Variants in RPS18 observed in about 807,000 individuals in gnomAD.
RPS18 encodes the protein ribosomal protein S18, also known as small ribosomal subunit protein uS13.
For synonymous variants in RPS18, 64 were observed against 70.9 expected (o/e 0.90, Z 0.49); for missense variants, 49 against 200.8 (o/e 0.24, Z 4.57).
Position 33,276,214 on chromosome 6 carries a change from C to T in RPS18, c.330C>T (p.Asp110=), listed in dbSNP as rs781189046. Residue 110 remains aspartate (D), a synonymous_variant, in exon 5 of 6, where the codon GAC becomes GAT. Coordinates refer to ENST00000439602, the MANE Select transcript of RPS18 (RefSeq NM_022551.3). ...GTCTGGACAACAAGCTCCGTGAAGA[C>T]CTGGAGCGACTGAAGAAGATTCGGG... ...ANGLDNKLRE[D]LERLKKIRAH... 1 of 1,614,158 alleles carries T rather than the reference C, an allele frequency of 6.2e-7. No homozygotes were observed. The highest frequency in any genetic ancestry group is 8.5e-7 in the Non-Finnish European group (1 of 1,180,028).
chr6:33,273,079 C>G (rs892636115), intron 2 of RPS18, among the ~76,000 whole-genome samples: 5 of 152,154 alleles, frequency 3.3e-5, no homozygotes, highest in African/African-American at 9.7e-5. Flanking sequence ...TAACAGCAAC[C>G]CTTCCTGCGA....
chr6:33,275,707 A>G (rs1420137161), intron 2 of RPS18, 90 bp from the exon 3 acceptor site: 13 of 874,982 alleles, frequency 1.5e-5, no homozygotes, highest in Non-Finnish European at 2.3e-5. Flanking sequence ...ATTATTGCAG[A>G]TCCTACCTTT....
chr6:33,274,020 C>T (rs185252869), intron 2 of RPS18, among the ~76,000 whole-genome samples: 4 of 152,312 alleles, frequency 2.6e-5, no homozygotes, highest in African/African-American at 9.6e-5. Context: ...TGCAATGGTG[C>T]AATCTTATCT....
chr6:33,272,820 C>A, intron 2 of RPS18, 94 bp downstream of exon 2: 1 of 764,380 alleles, frequency 1.3e-6, no homozygotes, highest in South Asian at 1.4e-5. Context: ...AGACTTGAGT[C>A]TCATCCAGAT....
At chr6:33,274,857 A>C (rs528155149) in intron 2 of RPS18, among the ~76,000 whole-genome samples, 6 of 152,346 alleles carry the variant, frequency 3.9e-5, no homozygotes, top group East Asian at 3.9e-4. Flanking sequence ...GGCAGGGCTC[A>C]GTATTCAGTT....
At chr6:33,274,465 T>C (rs1450391139) in intron 2 of RPS18, among the ~76,000 whole-genome samples, 1 of 152,224 alleles carries the variant, frequency 6.6e-6, no homozygotes, top group African/African-American at 2.4e-5. Context: ...CATATAGGCA[T>C]GAGCCACGGT....
chr6:33,272,440 C>T, intron 1 of RPS18, 188 bp from the exon 2 acceptor site: 1 of 629,180 alleles, frequency 1.6e-6, no homozygotes, highest in South Asian at 1.8e-5. Context: ...AGCTTGAACG[C>T]TTCATGTGCC....
At chr6:33,272,230 T>C (rs1765244519) in intron 1 of RPS18, 108 bp downstream of exon 1, 1 of 1,257,694 alleles carries the variant, frequency 8.0e-7, no homozygotes, top group Non-Finnish European at 1.1e-6. Flanking sequence ...CGACTTTCTG[T>C]ATGGAGCCTT....
At chr6:33,275,434 G>C in intron 2 of RPS18, 2 of 258,564 alleles carry the variant, frequency 7.7e-6, no homozygotes, top group Middle Eastern at 2.9e-3. Context: ...TTCTGCTGCA[G>C]CCTCCCAAGT....
rs759485029 is a variant in RPS18, at chr6:33,275,838, A to G, written c.144A>G (p.Ala48=). 6 of 1,613,426 alleles carry G rather than the reference A, an allele frequency of 3.7e-6. No individual in the cohort carries two copies. The Admixed American group carries it at 5.0e-5, about 13-fold the overall frequency. The change falls in exon 3 of 6, where the codon GCA becomes GCG. Residue 48 remains alanine (A), a synonymous_variant. Coordinates refer to ENST00000439602, the MANE Select transcript of RPS18 (RefSeq NM_022551.3). Reference sequence around the variant, plus strand: ...ATGCTCATGTGGTGTTGAGGAAAGCAGACATTGACCTCACCAAGAGGGCGG... The same window carrying G: ...ATGCTCATGTGGTGTTGAGGAAAGCGGACATTGACCTCACCAAGAGGGCGG... The part of the protein sequence containing the change: ...RRYAHVVLRK[A]DIDLTKRAGE...
intron 2 of RPS18, among the ~76,000 whole-genome samples, chr6:33,274,028 T>C (rs901382702): frequency 1.3e-5 from 2 of 152,316 alleles, no homozygotes; most frequent in South Asian, 2.1e-4. Flanking sequence ...TGCAATCTTA[T>C]CTCACTGCAA....
At chr6:33,274,297 G>A (rs1765487631) in intron 2 of RPS18, among the ~76,000 whole-genome samples, 1 of 152,214 alleles carries the variant, frequency 6.6e-6, no homozygotes, top group Non-Finnish European at 1.5e-5. Flanking sequence ...CAGGGCTCAA[G>A]TCAATCCTCC....
In RPS18 at chr6:33,276,274, G is replaced by A. The variant is rs376983339; in HGVS notation, c.383+7G>A. On this transcript the variant is annotated splice_region_variant and intron_variant, in intron 5 of 5. Transcript: ENST00000439602. Reference sequence around the variant, plus strand: ...GGCTGCGTCACTTCTGGGGGTGAGTGGGGGGTCTCATCTCCCTGCCTACCT... The same window carrying A: ...GGCTGCGTCACTTCTGGGGGTGAGTAGGGGGTCTCATCTCCCTGCCTACCT... The A allele has an allele frequency of 6.2e-7, 1 of 1,608,528 alleles. No homozygotes were observed.
At chr6:33,272,507 C>A in intron 1 of RPS18, 121 bp from the exon 2 acceptor site, 1 of 733,754 alleles carries the variant, frequency 1.4e-6, no homozygotes, top group Admixed American at 1.8e-5. Context: ...GAATGGGGGG[C>A]GGGTGTCTTG....
chr6:33,272,136 C>T lies in RPS18; in HGVS notation c.3+14C>T, dbSNP rs1438352897. 2 of 1,563,140 alleles carry T rather than the reference C, an allele frequency of 1.3e-6. No individual in the cohort carries two copies. Among genetic ancestry groups the T allele is most frequent in the South Asian group, 1.2e-5 (1 of 84,972 alleles). ...GCTGCAGCCATGGTAAGACTGGAATCCGTGCCGTGATCCAGCGGCATCGCA... is the reference window on the plus strand; with the variant it reads ...GCTGCAGCCATGGTAAGACTGGAATTCGTGCCGTGATCCAGCGGCATCGCA... On this transcript the variant is annotated intron_variant, in intron 1 of 5. Transcript: ENST00000439602.
At chr6:33,274,527 G>A (rs926962137) in intron 2 of RPS18, among the ~76,000 whole-genome samples, 1 of 152,224 alleles carries the variant, frequency 6.6e-6, no homozygotes, top group African/African-American at 2.4e-5. Context: ...ATTTGTTTTA[G>A]TTTCCTGGAG....
Position 33,275,970 on chromosome 6 carries a change from A to G in RPS18, c.195A>G (p.Glu65=), listed in dbSNP as rs1331906268. 5 of 1,613,930 alleles carry G rather than the reference A, an allele frequency of 3.1e-6. No homozygotes were observed. In the African/African-American group the frequency reaches 6.7e-5, roughly 22 times the overall value. The change falls in exon 4 of 6, where the codon GAA becomes GAG. Residue 65 remains glutamate (E), a synonymous_variant. Coordinates refer to ENST00000439602, the MANE Select transcript of RPS18 (RefSeq NM_022551.3). ...RAGELTEDEV[E]RVITIMQNPR... ...GACCTTGGTCTGCCTGCCAGGTGGA[A>G]CGTGTGATCACCATTATGCAGAATC...
At chr6:33,273,401 C>A (rs1044741095) in intron 2 of RPS18, among the ~76,000 whole-genome samples, 1 of 151,436 alleles carries the variant, frequency 6.6e-6, no homozygotes, top group South Asian at 2.1e-4. Flanking sequence ...TCCCTTAAGT[C>A]AGAATGTGTA....
chr6:33,272,782 C>A, intron 2 of RPS18, 56 bp downstream of exon 2: 1 of 887,936 alleles, frequency 1.1e-6, no homozygotes, highest in Non-Finnish European at 1.9e-6. Context: ...GTTGTGAAGA[C>A]ATAAGCAAAA....
Sources: allele counts gnomAD v4.1 joint callset (sites outside exome capture counted in the v4.1 genomes callset), GRCh38; gene constraint gnomAD v4.1.1; transcripts MANE v1.5; gene names NCBI Gene and HGNC (gene_info 2026-07-23, HGNC 2026-07-21).